ADD2: variants seen among roughly 807,000 people sequenced by gnomAD.
The protein encoded by ADD2 is beta-adducin.
ADD2 carries 23 observed loss-of-function variants against 83.0 expected under a neutral mutation model. That is an observed-to-expected ratio of 0.28 (90% CI 0.20 to 0.39). ADD2 has a LOEUF of 0.39. Among genes scored for constraint, ADD2 ranks in the 10% least tolerant of loss-of-function variants. The pLI, the probability that ADD2 is intolerant of heterozygous loss-of-function variation, is 1.00. For synonymous variants in ADD2, 375 were observed against 375.4 expected (o/e 1.00, Z 0.01); for missense variants, 758 against 944.9 (o/e 0.80, Z 2.59).
At chr2:70,749,716 T>C (rs1674412040) in intron 1 of ADD2, among the ~76,000 whole-genome samples, 1 of 152,162 alleles carries the variant, frequency 6.6e-6, no homozygotes, top group East Asian at 1.9e-4. Flanking sequence ...CTTCTCCCTG[T>C]CTAGAAGGTA....
intron 1 of ADD2, among the ~76,000 whole-genome samples, chr2:70,735,023 T>G (rs1276739280): frequency 6.6e-6 from 1 of 152,158 alleles, no homozygotes; most frequent in African/African-American, 2.4e-5. Context: ...AATTTTGAAA[T>G]AATTATGAGG....
At chr2:70,689,878 T>C (rs1402166534) in intron 8 of ADD2, among the ~76,000 whole-genome samples, 1 of 152,148 alleles carries the variant, frequency 6.6e-6, no homozygotes, top group Non-Finnish European at 1.5e-5. Flanking sequence ...ACACTCAAGT[T>C]TGGGGAGACT....
At chr2:70,673,392 C>G in intron 14 of ADD2, 1 of 1,346,898 alleles carries the variant, frequency 7.4e-7, no homozygotes. Flanking sequence ...AAGAGGTGGA[C>G]CCACAACCAC....
chr2:70,711,777 T>C (rs1672190602), intron 2 of ADD2, among the ~76,000 whole-genome samples: 2 of 152,146 alleles, frequency 1.3e-5, no homozygotes, highest in Non-Finnish European at 2.9e-5. Context: ...GAAATATGAT[T>C]GCAAGTACCA....
rs534522076 is a variant in ADD2 at position 70,742,750 on chromosome 2, T to C, written c.-154+25136A>G. Among the ~76,000 whole-genome samples the C allele has an allele frequency of 9.8e-5, 15 of 152,344 alleles. 1 individual carries two copies. The South Asian group carries it at 3.1e-3, about 32-fold the overall frequency. ...ATCCACTCAAGTCCTTGATGTGCTC[T>C]GTATGTATAAATCTGGCAAAAGAGT... On this transcript the variant is annotated intron_variant, in intron 1 of 15. Coordinates refer to ENST00000264436, the MANE Select transcript of ADD2 (RefSeq NM_001617.4).
At chr2:70,751,057 T>C (rs1288633829) in intron 1 of ADD2, among the ~76,000 whole-genome samples, 1 of 152,224 alleles carries the variant, frequency 6.6e-6, no homozygotes, top group African/African-American at 2.4e-5. Flanking sequence ...ATAAATGCCC[T>C]AAAGAAAAAC....
intron 15 of ADD2, among the ~76,000 whole-genome samples, chr2:70,664,939 AGTGT>A (rs1232632666): frequency 4.6e-5 from 7 of 151,902 alleles, no homozygotes; most frequent in Admixed American, 1.3e-4. Flanking sequence ...TGTTTGTGTA[AGTGT>A]GTGTGAGTGC....
chr2:70,702,820 C>A (rs1017478589), intron 4 of ADD2, among the ~76,000 whole-genome samples: 6 of 151,754 alleles, frequency 4.0e-5, no homozygotes, highest in Non-Finnish European at 5.9e-5. Context: ...TGTAAAAAGG[C>A]AATTTACTAT....
chr2:70,712,467 A>T (rs1392584803), intron 2 of ADD2, among the ~76,000 whole-genome samples: 8 of 151,778 alleles, frequency 5.3e-5, no homozygotes, highest in African/African-American at 7.3e-5. Context: ...AAATAAAAAA[A>T]AAAAAAAAGA....
Position 70,768,160 on chromosome 2 carries a change from G to C in ADD2, c.-428C>G. ...CTAGTCCCTCACAGCCCTGCCGTCAGAATTAAAGCCATTTCCCGCACGAGG... is the reference window on the plus strand; with the variant it reads ...CTAGTCCCTCACAGCCCTGCCGTCACAATTAAAGCCATTTCCCGCACGAGG... On this transcript the variant is annotated 5_prime_UTR_variant, in exon 1 of 16. Coordinates refer to ENST00000264436, the MANE Select transcript of ADD2 (RefSeq NM_001617.4). 1 of 603,168 alleles carries C rather than the reference G, an allele frequency of 1.7e-6. No homozygotes were observed. Among genetic ancestry groups the C allele is most frequent in the East Asian group, 2.9e-5 (1 of 35,012 alleles). 37.4% of individuals were successfully genotyped at this position (603,168 alleles called of 1,614,324 possible).
chr2:70,663,516 G>A lies in ADD2; in HGVS notation c.2090C>T (p.Ser697Leu). Reference sequence around the variant, plus strand: ...CTTCTTTGAGGGAGACTTGGAAGGTGAGCCCTCTGGGGACATGGGGCCGCT... The same window carrying A: ...CTTCTTTGAGGGAGACTTGGAAGGTAAGCCCTCTGGGGACATGGGGCCGCT... ...VTSGPMSPEGSPSKSPSKKKK... is the reference protein window; with the variant it reads ...VTSGPMSPEGLPSKSPSKKKK... The change falls in exon 16 of 16, where the codon TCA becomes TTA. Residue 697 changes from serine (S) to leucine (L), a missense_variant. Transcript: ENST00000264436. The A allele has an allele frequency of 1.2e-6, 2 of 1,614,122 alleles. No individual in the cohort carries two copies. Among genetic ancestry groups the A allele is most frequent in the Non-Finnish European group, 1.7e-6 (2 of 1,180,020 alleles).
In ADD2 at chr2:70,693,110, T is replaced by C. The variant is rs375822482; in HGVS notation, c.556-558A>G. On this transcript the variant is annotated intron_variant, in intron 6 of 15. Transcript: ENST00000264436. ...CAGCTCTAGCCTCACTCCGTGCCCC[T>C]ACTCCCCTGCCTCCTGGATAAAAAG... 3.3e-5 allele frequency among the ~76,000 whole-genome samples: 5 copies of C among 152,270 alleles called. 1 individual carries two copies. The highest frequency in any genetic ancestry group is 1.2e-4 in the African/African-American group (5 of 41,552).
intron 1 of ADD2, among the ~76,000 whole-genome samples, chr2:70,714,901 CT>C (rs1391997274): frequency 1.3e-5 from 2 of 152,142 alleles, no homozygotes; most frequent in Non-Finnish European, 2.9e-5. Flanking sequence ...TCCTTTGCCC[CT>C]AGAAGTAGCC....
At chr2:70,728,312 A>C (rs782272003) in intron 1 of ADD2, among the ~76,000 whole-genome samples, 7 of 152,200 alleles carry the variant, frequency 4.6e-5, no homozygotes, top group Non-Finnish European at 1.0e-4. Flanking sequence ...GCCGGGCTCC[A>C]GTGTGACAGA....
chr2:70,700,044 A>G (rs1671511088), intron 4 of ADD2, among the ~76,000 whole-genome samples: 1 of 152,330 alleles, frequency 6.6e-6, no homozygotes, highest in South Asian at 2.1e-4. Context: ...CAAGACATAG[A>G]AAGCAAAAAC....
chr2:70,766,122 A>AT (rs1553385979), intron 1 of ADD2, among the ~76,000 whole-genome samples: 1 of 152,226 alleles, frequency 6.6e-6, no homozygotes, highest in Non-Finnish European at 1.5e-5. Flanking sequence ...TACATTGTGT[A>AT]TATGACAAGC....
intron 1 of ADD2, among the ~76,000 whole-genome samples, chr2:70,761,227 C>CT (rs61106669): frequency 0.049 from 7,170 of 146,682 alleles, 227 homozygotes; most frequent in African/African-American, 0.085. Flanking sequence ...GCATGCATTA[C>CT]TTTTTTTTTT....
chr2:70,711,603 G>C (rs6757918), intron 2 of ADD2, among the ~76,000 whole-genome samples: 48,295 of 152,008 alleles, frequency 0.32, 8,138 homozygotes, highest in East Asian at 0.44. Flanking sequence ...ACTCTGGACA[G>C]CAAGGTGTGG....
At chr2:70,749,669 T>C (rs782805254) in intron 1 of ADD2, among the ~76,000 whole-genome samples, 2 of 152,216 alleles carry the variant, frequency 1.3e-5, no homozygotes, top group African/African-American at 2.4e-5. Flanking sequence ...AATTTCCTGA[T>C]GGAAATACTA....
Sources: allele counts gnomAD v4.1 joint callset (sites outside exome capture counted in the v4.1 genomes callset), GRCh38; gene constraint gnomAD v4.1.1; transcripts MANE v1.5; gene names NCBI Gene and HGNC (gene_info 2026-07-23, HGNC 2026-07-21).